The following CLSTN2 variants were observed in gnomAD, a reference collection of about 807,000 sequenced individuals.
CLSTN2 encodes calsyntenin-2.
In CLSTN2, 48 loss-of-function variants were observed where a neutral mutation model predicts 101.2. That is an observed-to-expected ratio of 0.47 (90% CI 0.38 to 0.60). CLSTN2 has a LOEUF of 0.60. Ranked by LOEUF, CLSTN2 falls within the 20% of genes least tolerant of loss-of-function variation. The probability of loss-of-function intolerance (pLI) is 0.00; values close to 1 mark genes in which losing one functional copy is unlikely to be tolerated. For missense variants in CLSTN2, 1,160 were observed against 1,238.2 expected, an observed-to-expected ratio of 0.94 and a Z score of 0.95; for synonymous variants, 481 against 463.6, an observed-to-expected ratio of 1.04 and a Z score of -0.48.
At chr3:140,125,191 G>T (rs1196674397) in intron 1 of CLSTN2, among the ~76,000 whole-genome samples, 1 of 152,150 alleles carries the variant, frequency 6.6e-6, no homozygotes, top group Non-Finnish European at 1.5e-5. Flanking sequence ...CAACTCTTTT[G>T]AGAAAGGTTG....
At chr3:140,113,365 C>T (rs2009186535) in intron 1 of CLSTN2, among the ~76,000 whole-genome samples, 2 of 152,182 alleles carry the variant, frequency 1.3e-5, no homozygotes, top group South Asian at 4.1e-4. Flanking sequence ...GACCCCAACT[C>T]GCTCTCTCAG....
At position 139,998,532 on chromosome 3, in the gene CLSTN2, G is replaced by T. The variant is rs1230340465; in HGVS notation, c.109+63049G>T. 3.1e-5 allele frequency among the ~76,000 whole-genome samples: 4 copies of T among 130,916 alleles called. No homozygotes were observed. The East Asian group carries it at 8.0e-4, about 26-fold the overall frequency. The allele number at this position is 130,916 out of a possible 152,430, so 85.9% of individuals were successfully genotyped here. ...TAATTTTTTTTGTATTTTTAGTAGA[G>T]ACGGGGTTTCACCGTGTTTGCCAGG... On this transcript the variant is annotated intron_variant, in intron 1 of 16. Transcript: ENST00000458420.
chr3:140,183,399 G>A (rs2010437882), intron 2 of CLSTN2, among the ~76,000 whole-genome samples: 1 of 152,206 alleles, frequency 6.6e-6, no homozygotes, highest in South Asian at 2.1e-4. Context: ...CAGGAGACAT[G>A]TGGAGTTTCA....
chr3:140,274,076 A>G (rs1348255866), intron 2 of CLSTN2, among the ~76,000 whole-genome samples: 1 of 152,116 alleles, frequency 6.6e-6, no homozygotes, highest in East Asian at 1.9e-4. Flanking sequence ...GCTGCACATG[A>G]TAACCTCTGA....
chr3:140,490,095 TATATATATATATATATATATATACACAC>T lies in CLSTN2; in HGVS notation c.1344+23366_1344+23393del, dbSNP rs1934318793. On this transcript the variant is annotated intron_variant, in intron 8 of 16. Transcript: ENST00000458420. ...GTGTGTGTGTGTGTGTGTGTATATA[TATATATATATATATATATATATACACAC>T]ACACACACACACACACACACACACA... Among the ~76,000 whole-genome samples the T allele has an allele frequency of 4.2e-4, 3 of 7,166 alleles. 1 individual carries two copies. Among genetic ancestry groups the T allele is most frequent in the Non-Finnish European group, 6.4e-4 (3 of 4,706 alleles). 4.7% of individuals were successfully genotyped at this position (7,166 alleles called of 152,430 possible).
intron 1 of CLSTN2, among the ~76,000 whole-genome samples, chr3:140,097,735 A>G (rs2008895072): frequency 6.6e-6 from 1 of 152,336 alleles, no homozygotes; most frequent in Admixed American, 6.5e-5. Flanking sequence ...TAAAATCTAC[A>G]GATGGGATCC....
intron 2 of CLSTN2, among the ~76,000 whole-genome samples, chr3:140,243,742 G>C (rs746588274): frequency 3.3e-5 from 5 of 152,212 alleles, no homozygotes; most frequent in Admixed American, 1.3e-4. Flanking sequence ...TCACTTGGAA[G>C]ATGGCCAGAA....
At chr3:140,280,512 G>A (rs1461709709) in intron 2 of CLSTN2, among the ~76,000 whole-genome samples, 1 of 152,182 alleles carries the variant, frequency 6.6e-6, no homozygotes, top group East Asian at 1.9e-4. Flanking sequence ...TTCGGACAGT[G>A]AGGAAAGCAA....
chr3:140,209,188 G>T lies in CLSTN2; in HGVS notation c.232+33115G>T, dbSNP rs561015865. ...ATGTATGCATTATGATTGTCAGCAGGAGTTGGGGAGAGAACTGGAGAGGAT... is the reference window on the plus strand; with the variant it reads ...ATGTATGCATTATGATTGTCAGCAGTAGTTGGGGAGAGAACTGGAGAGGAT... On this transcript the variant is annotated intron_variant, in intron 2 of 16. Transcript: ENST00000458420. Among the ~76,000 whole-genome samples, 3 of 152,288 alleles carry T rather than the reference G, an allele frequency of 2.0e-5. No individual in the cohort carries two copies. The East Asian group carries it at 5.8e-4, about 29-fold the overall frequency.
intron 16 of CLSTN2, 92 bp downstream of exon 16, chr3:140,564,237 C>G: frequency 1.0e-5 from 12 of 1,186,894 alleles, no homozygotes; most frequent in Non-Finnish European, 1.5e-5. Flanking sequence ...CCCCATACCC[C>G]CTCCTTCTGG....
chr3:140,502,664 C>G (rs376952560), intron 8 of CLSTN2, among the ~76,000 whole-genome samples: 25 of 152,196 alleles, frequency 1.6e-4, no homozygotes, highest in African/African-American at 6.0e-4. Context: ...GGATGGGGTG[C>G]AGTGGAGTGT....
intron 1 of CLSTN2, among the ~76,000 whole-genome samples, chr3:140,111,590 C>T (rs2009156279): frequency 6.6e-6 from 1 of 151,794 alleles, no homozygotes; most frequent in African/African-American, 2.4e-5. Context: ...ATGTTGGGTG[C>T]AGATCTCTTT....
chr3:140,398,715 C>T (rs1391812150), intron 2 of CLSTN2, among the ~76,000 whole-genome samples: 1 of 152,204 alleles, frequency 6.6e-6, no homozygotes, highest in East Asian at 1.9e-4. Flanking sequence ...AACACGTAAT[C>T]TCTCTGAGGC....
chr3:140,546,366 C>A, intron 9 of CLSTN2, 149 bp from the exon 10 acceptor site: 1 of 712,978 alleles, frequency 1.4e-6, no homozygotes, highest in Non-Finnish European at 2.3e-6. Flanking sequence ...TACTGAGATT[C>A]TGGCTACTGT....
intron 5 of CLSTN2, among the ~76,000 whole-genome samples, chr3:140,427,230 T>C (rs1239592415): frequency 5.8e-4 from 18 of 31,128 alleles, no homozygotes; most frequent in African/African-American, 2.8e-3. Flanking sequence ...TATATGTGTG[T>C]ATATATATAT....
chr3:140,017,800 C>T (rs545277528), intron 1 of CLSTN2, among the ~76,000 whole-genome samples: 5 of 152,372 alleles, frequency 3.3e-5, no homozygotes, highest in African/African-American at 1.2e-4. Context: ...GGCCACAGGC[C>T]TGACGCAGGC....
At chr3:140,253,652 C>T (rs2086581811) in intron 2 of CLSTN2, among the ~76,000 whole-genome samples, 1 of 152,100 alleles carries the variant, frequency 6.6e-6, no homozygotes, top group African/African-American at 2.4e-5. Flanking sequence ...TCTTTATTTG[C>T]CAAAACAGGC....
intron 2 of CLSTN2, among the ~76,000 whole-genome samples, chr3:140,248,388 G>A (rs2086534388): frequency 6.6e-6 from 1 of 152,186 alleles, no homozygotes; most frequent in African/African-American, 2.4e-5. Flanking sequence ...CAAGTCCAAA[G>A]GAGAAAGTGG....
Position 139,935,666 on chromosome 3 carries a change from C to T in CLSTN2, c.109+183C>T, listed in dbSNP as rs1935007607. On this transcript the variant is annotated intron_variant, in intron 1 of 16. Transcript: ENST00000458420. The surrounding 1 kb of genome is among the most constrained non-coding windows in gnomAD (Gnocchi z 5.5). ...TGCGCAGCGGACCAGAGAGGTCCAC[C>T]CGCGGACGTCAACTCAACCCCTGGG... Among the ~76,000 whole-genome samples the T allele has an allele frequency of 6.6e-6, 1 of 152,190 alleles. No individual in the cohort carries two copies. Among genetic ancestry groups the T allele is most frequent in the South Asian group, 2.1e-4 (1 of 4,830 alleles).
Sources: gnomAD v4.1 joint callset for allele counts (sites outside exome capture counted in the v4.1 genomes callset) on GRCh38, gnomAD v4.1.1 for gene constraint, Gnocchi (gnomAD v3.1) non-coding constraint, MANE v1.5 for transcripts, NCBI Gene and HGNC (gene_info 2026-07-23, HGNC 2026-07-21) for gene names.